Variants in PCDH9 observed in about 807,000 individuals in gnomAD.
PCDH9 encodes protocadherin-9.
Under a neutral mutation model 70.6 loss-of-function variants are expected in PCDH9, and 24 were observed. That is an observed-to-expected ratio of 0.34 (90% CI 0.25 to 0.48). PCDH9 has a LOEUF of 0.48. Ranked by LOEUF, PCDH9 falls within the 20% of genes least tolerant of loss-of-function variation. The pLI, the probability that PCDH9 is intolerant of heterozygous loss-of-function variation, is 0.99. For synonymous variants in PCDH9, 562 were observed against 558.5 expected (o/e 1.01, Z -0.09); for missense variants, 1,281 against 1,503.6 (o/e 0.85, Z 2.45).
intron 2 of PCDH9, among the ~76,000 whole-genome samples, chr13:66,953,865 C>T (rs1343118032): frequency 6.6e-6 from 1 of 152,168 alleles, no homozygotes; most frequent in Non-Finnish European, 1.5e-5. Context: ...GAAGATCATA[C>T]TCTCTTTCCT....
chr13:66,330,077 C>T (rs1955915859), intron 4 of PCDH9, among the ~76,000 whole-genome samples: 1 of 152,200 alleles, frequency 6.6e-6, no homozygotes, highest in Non-Finnish European at 1.5e-5. Context: ...AAGTGCTCAA[C>T]AGCAAGACTG....
intron 4 of PCDH9, among the ~76,000 whole-genome samples, chr13:66,457,211 A>G (rs903038272): frequency 3.3e-5 from 5 of 152,078 alleles, no homozygotes; most frequent in Non-Finnish European, 5.9e-5. Context: ...ATTATGGCAT[A>G]CTCATTATGG....
intron 3 of PCDH9, among the ~76,000 whole-genome samples, chr13:66,743,140 T>C (rs2079295775): frequency 6.2e-5 from 3 of 48,066 alleles, no homozygotes; most frequent in African/African-American, 1.6e-4. Flanking sequence ...GTGGCACATA[T>C]ACACCATGGA....
chr13:66,366,683 A>G (rs1044752753), intron 4 of PCDH9, among the ~76,000 whole-genome samples: 3 of 152,078 alleles, frequency 2.0e-5, no homozygotes, highest in Non-Finnish European at 2.9e-5. Context: ...TTTCTCAGAG[A>G]GCATTTCGTA....
At chr13:66,476,597 C>T (rs563499562) in intron 4 of PCDH9, among the ~76,000 whole-genome samples, 238 of 152,024 alleles carry the variant, frequency 1.6e-3, no homozygotes, top group African/African-American at 5.3e-3. Flanking sequence ...TTCCCAATGT[C>T]TTAAAAGGTT....
At chr13:66,389,734 T>C (rs979096109) in intron 4 of PCDH9, among the ~76,000 whole-genome samples, 1 of 152,166 alleles carries the variant, frequency 6.6e-6, no homozygotes, top group East Asian at 1.9e-4. Flanking sequence ...AGAAGAGCCA[T>C]ATTGATCTGC....
chr13:66,546,868 T>A (rs1961228772), intron 4 of PCDH9, among the ~76,000 whole-genome samples: 1 of 152,210 alleles, frequency 6.6e-6, no homozygotes, highest in African/African-American at 2.4e-5. Flanking sequence ...TTTGTCATTA[T>A]GTTATAATTG....
chr13:66,745,396 AAT>A (rs2079345161), intron 3 of PCDH9, among the ~76,000 whole-genome samples: 1 of 152,212 alleles, frequency 6.6e-6, no homozygotes, highest in African/African-American at 2.4e-5. Flanking sequence ...TGACCGGAAT[AAT>A]ATGCCTGATT....
rs1268575456 is a variant in PCDH9 at position 66,303,073 on chromosome 13, TTAAC to T, written c.*1578_*1581del. 5 of 152,506 alleles carry T rather than the reference TTAAC, an allele frequency of 3.3e-5. No homozygotes were observed. Among genetic ancestry groups the T allele is most frequent in the South Asian group, 2.1e-4 (1 of 4,828 alleles). 9.4% of individuals were successfully genotyped at this position (152,506 alleles called of 1,614,324 possible). A position where few individuals can be genotyped will look rare whatever the true frequency, so the allele number is the denominator to read the frequency against. On this transcript the variant is annotated 3_prime_UTR_variant, in exon 5 of 5. Transcript: ENST00000377865. The stretch of plus-strand genomic sequence containing the variant: ...AATTTTATTTTTTGGTAAGAACAAA[TTAAC>T]TATCAGATTAGCAAACCTTTTTTTT...
At chr13:66,364,328 T>C (rs766373939) in intron 4 of PCDH9, among the ~76,000 whole-genome samples, 12 of 152,190 alleles carry the variant, frequency 7.9e-5, no homozygotes, top group Non-Finnish European at 1.6e-4. Context: ...GCCATGAAAC[T>C]AGAAGGAGGA....
chr13:66,684,701 A>G (rs1294440656), intron 3 of PCDH9, among the ~76,000 whole-genome samples: 2 of 152,160 alleles, frequency 1.3e-5, no homozygotes, highest in Non-Finnish European at 2.9e-5. Context: ...TCCTTTATAA[A>G]TTATCCAGTC....
intron 4 of PCDH9, among the ~76,000 whole-genome samples, chr13:66,535,526 G>A (rs1415098748): frequency 6.6e-6 from 1 of 152,020 alleles, no homozygotes; most frequent in Non-Finnish European, 1.5e-5. Flanking sequence ...GCAATAGCAG[G>A]CATAATCCCA....
chr13:66,553,784 T>A (rs1169789348), intron 4 of PCDH9, among the ~76,000 whole-genome samples: 1 of 152,220 alleles, frequency 6.6e-6, no homozygotes, highest in Admixed American at 6.5e-5. Context: ...TTTGTCAATG[T>A]TCCCCCTTTT....
chr13:66,775,938 T>G (rs7320170), intron 3 of PCDH9, among the ~76,000 whole-genome samples: 56,314 of 151,446 alleles, frequency 0.37, 10,678 homozygotes, highest in East Asian at 0.57. Context: ...GTTACAAGGG[T>G]GCCTATTATC....
At chr13:66,760,134 C>CA (rs998547838) in intron 3 of PCDH9, among the ~76,000 whole-genome samples, 1 of 152,078 alleles carries the variant, frequency 6.6e-6, no homozygotes, top group African/African-American at 2.4e-5. Flanking sequence ...GGTTGCCGGT[C>CA]ATTTTTTTTC....
At chr13:66,996,977 T>C (rs7336507) in intron 2 of PCDH9, among the ~76,000 whole-genome samples, 120,604 of 152,116 alleles carry the variant, frequency 0.79, 48,168 homozygotes, top group East Asian at 0.98. Flanking sequence ...TTTGATTAGA[T>C]ATGAAAGACA....
At position 66,781,474 on chromosome 13, in the gene PCDH9, A is replaced by G. The variant is rs566084838; in HGVS notation, c.3138+122030T>C. 3.9e-5 allele frequency among the ~76,000 whole-genome samples: 6 copies of G among 152,336 alleles called. No homozygotes were observed. In the East Asian group the frequency reaches 9.7e-4, roughly 25 times the overall value. The stretch of plus-strand genomic sequence containing the variant: ...CAGTTACTGATATTACAAAGGAATT[A>G]AAAATCAGCATGGGAAATTATAATT... On this transcript the variant is annotated intron_variant, in intron 3 of 4. Coordinates refer to ENST00000377865, the MANE Select transcript of PCDH9 (RefSeq NM_203487.3).
chr13:67,105,966 G>A (rs916496536), intron 2 of PCDH9, among the ~76,000 whole-genome samples: 3 of 151,412 alleles, frequency 2.0e-5, no homozygotes, highest in African/African-American at 4.8e-5. Flanking sequence ...TATAGTGTAG[G>A]AAAGAAATTT....
At chr13:67,032,078 A>G (rs893130387) in intron 2 of PCDH9, among the ~76,000 whole-genome samples, 1 of 152,230 alleles carries the variant, frequency 6.6e-6, no homozygotes, top group Admixed American at 6.5e-5. Context: ...CTTCCAGTGG[A>G]AAAGCCGGCA....
Sources: gnomAD v4.1 joint callset for allele counts (sites outside exome capture counted in the v4.1 genomes callset) on GRCh38, gnomAD v4.1.1 for gene constraint, MANE v1.5 for transcripts, NCBI Gene and HGNC (gene_info 2026-07-23, HGNC 2026-07-21) for gene names.